The following IGSF11 variants were observed in gnomAD, a reference collection of about 807,000 sequenced individuals.
The protein encoded by IGSF11 is CXADR like 1.
IGSF11 carries 22 observed loss-of-function variants against 41.0 expected under a neutral mutation model. The observed-to-expected ratio is 0.54, with a 90% CI of 0.38 to 0.77. The LOEUF is 0.77. Ranked by LOEUF, IGSF11 falls within the 30% of genes least tolerant of loss-of-function variation. IGSF11 has a pLI of 0.00. For missense variants in IGSF11, 444 were observed against 530.8 expected (o/e 0.84, Z 1.61); for synonymous variants, 219 against 201.3 (o/e 1.09, Z -0.74).
intron 1 of IGSF11, among the ~76,000 whole-genome samples, chr3:118,961,977 G>C (rs189935457): frequency 1.3e-5 from 2 of 152,256 alleles, no homozygotes; most frequent in Admixed American, 6.5e-5. Context: ...AGTTATTTCA[G>C]AAGGAACACT....
upstream of IGSF11, among the ~76,000 whole-genome samples, chr3:119,110,043 G>A (rs1387239578): frequency 3.3e-5 from 5 of 152,006 alleles, no homozygotes; most frequent in Admixed American, 6.6e-5. Flanking sequence ...GTGTGGTGTG[G>A]TGCTGAAAAA....
At chr3:119,121,061 C>A (rs983489313) in intron 1 of IGSF11, among the ~76,000 whole-genome samples, 1 of 151,660 alleles carries the variant, frequency 6.6e-6, no homozygotes, top group Non-Finnish European at 1.5e-5. Context: ...GCCAAAATGG[C>A]AATAATGACA....
At chr3:118,903,502 A>C (rs572038462) in intron 6 of IGSF11, among the ~76,000 whole-genome samples, 6 of 152,300 alleles carry the variant, frequency 3.9e-5, no homozygotes, top group Admixed American at 3.3e-4. Context: ...TTAAAGAAAT[A>C]ATCAGAGTTG....
At chr3:119,023,427 A>G (rs1393125713) in intron 1 of IGSF11, among the ~76,000 whole-genome samples, 2 of 152,194 alleles carry the variant, frequency 1.3e-5, no homozygotes, top group African/African-American at 4.8e-5. Context: ...GCACTTTTAC[A>G]GCATAGTGCT....
intron 1 of IGSF11, among the ~76,000 whole-genome samples, chr3:118,933,384 C>T (rs1207009836): frequency 4.0e-5 from 6 of 151,710 alleles, no homozygotes; most frequent in African/African-American, 1.5e-4. Context: ...TGACTACCAC[C>T]ACCACTACTA....
intron 1 of IGSF11, among the ~76,000 whole-genome samples, chr3:119,050,907 A>G (rs1489694276): frequency 2.0e-5 from 3 of 151,428 alleles, no homozygotes; most frequent in Non-Finnish European, 2.9e-5. Flanking sequence ...CAAAAAACCA[A>G]ACACCGCATA....
chr3:118,928,915 T>C (rs1009973124), intron 2 of IGSF11, among the ~76,000 whole-genome samples, 199 bp from the exon 3 acceptor site: 1 of 152,158 alleles, frequency 6.6e-6, no homozygotes, highest in Non-Finnish European at 1.5e-5. Flanking sequence ...CATAACAAAT[T>C]AGAATAATAT....
chr3:118,993,582 T>C (rs758334586), intron 1 of IGSF11, among the ~76,000 whole-genome samples: 2 of 152,218 alleles, frequency 1.3e-5, no homozygotes, highest in African/African-American at 2.4e-5. Context: ...CACAGCATGA[T>C]AGCCAAAAAG....
chr3:119,100,717 C>T (rs915236048), intron 1 of IGSF11, among the ~76,000 whole-genome samples: 5 of 152,064 alleles, frequency 3.3e-5, no homozygotes, highest in African/African-American at 1.2e-4. Context: ...GACCATGAGA[C>T]GTTTCTAAGG....
chr3:118,938,526 A>G (rs1341888195), intron 1 of IGSF11, among the ~76,000 whole-genome samples: 1 of 152,228 alleles, frequency 6.6e-6, no homozygotes, highest in African/African-American at 2.4e-5. Flanking sequence ...TAAAGAACCA[A>G]GGCACAAAAG....
chr3:119,083,960 G>A (rs2076629452), intron 1 of IGSF11, among the ~76,000 whole-genome samples: 1 of 152,134 alleles, frequency 6.6e-6, no homozygotes, highest in African/African-American at 2.4e-5. Context: ...ACAGCTCCCT[G>A]TGTGTTATTG....
At chr3:119,004,108 T>C (rs886246531) in intron 1 of IGSF11, among the ~76,000 whole-genome samples, 1 of 149,802 alleles carries the variant, frequency 6.7e-6, no homozygotes, top group African/African-American at 2.5e-5. Context: ...TCTTTTTGGT[T>C]GGTAAACTAT....
intron 4 of IGSF11, among the ~76,000 whole-genome samples, chr3:118,914,032 C>CTTTCTTATTTGGTCTTATATGGTCT (rs1940703359): frequency 6.6e-6 from 1 of 151,792 alleles, no homozygotes; most frequent in South Asian, 2.1e-4. Flanking sequence ...TTTCTATGGT[C>CTTTCTTATTTGGTCTTATATGGTCT]CTATTATTTG....
chr3:118,998,300 T>C (rs531104060), intron 1 of IGSF11, among the ~76,000 whole-genome samples: 2 of 152,216 alleles, frequency 1.3e-5, no homozygotes, highest in Admixed American at 6.5e-5. Flanking sequence ...TTTATATCTA[T>C]AAAGGACTAC....
At chr3:119,128,063 T>A (rs1163108596) in intron 1 of IGSF11, among the ~76,000 whole-genome samples, 1 of 152,122 alleles carries the variant, frequency 6.6e-6, no homozygotes, top group Admixed American at 6.6e-5. Context: ...AATACTAACC[T>A]CAAATGTAAC....
chr3:118,914,951 G>GA (rs1487783491), intron 4 of IGSF11, among the ~76,000 whole-genome samples: 1 of 142,588 alleles, frequency 7.0e-6, no homozygotes, highest in Non-Finnish European at 1.5e-5. Context: ...CCTGACCCCT[G>GA]ACCCCCGAGC....
intron 1 of IGSF11, among the ~76,000 whole-genome samples, chr3:119,145,139 T>C (rs1338560134): frequency 1.3e-5 from 2 of 152,232 alleles, no homozygotes; most frequent in Admixed American, 1.3e-4. Flanking sequence ...GTGTCAAGTG[T>C]ATCCACTCTC....
At chr3:119,048,885 A>C (rs1701920935) in intron 1 of IGSF11, among the ~76,000 whole-genome samples, 1 of 152,248 alleles carries the variant, frequency 6.6e-6, no homozygotes, top group African/African-American at 2.4e-5. Context: ...AAACAGAACC[A>C]AAGACAAAAA....
chr3:119,133,368 T>TA (rs2077511974), intron 1 of IGSF11, among the ~76,000 whole-genome samples: 1 of 151,922 alleles, frequency 6.6e-6, no homozygotes, highest in African/African-American at 2.4e-5. Context: ...AGGGGTGCAA[T>TA]AAAAAATGAT....
Sources: gnomAD v4.1 joint callset for allele counts (sites outside exome capture counted in the v4.1 genomes callset) on GRCh38, gnomAD v4.1.1 for gene constraint, MANE v1.5 for transcripts, NCBI Gene and HGNC (gene_info 2026-07-23, HGNC 2026-07-21) for gene names.